The following TRIM37 variants were observed in gnomAD, a reference collection of about 807,000 sequenced individuals.
TRIM37 encodes the protein E3 ubiquitin-protein ligase TRIM37.
A neutral mutation model predicts 129.8 loss-of-function variants in TRIM37; 80 were observed. The observed-to-expected ratio is 0.62, with a 90% CI of 0.51 to 0.74. TRIM37 has a LOEUF of 0.74. Ranked by LOEUF, TRIM37 falls within the 30% of genes least tolerant of loss-of-function variation. The pLI is 0.00. For synonymous variants in TRIM37, 389 were observed against 387.1 expected (o/e 1.00, Z -0.06); for missense variants, 1,054 against 1,176.5 (o/e 0.90, Z 1.52).
chr17:59,080,197 G>A (rs1361974310), intron 6 of TRIM37, among the ~76,000 whole-genome samples: 2 of 152,138 alleles, frequency 1.3e-5, no homozygotes, highest in Non-Finnish European at 2.9e-5. Context: ...CCTCATTTAT[G>A]ACTGTCATTC....
chr17:59,019,753 A>G (rs2036367233), intron 19 of TRIM37, among the ~76,000 whole-genome samples: 2 of 152,022 alleles, frequency 1.3e-5, no homozygotes, highest in Non-Finnish European at 2.9e-5. Context: ...GGGAAAAAGT[A>G]GATTAGTGGT....
intron 9 of TRIM37, 146 bp downstream of exon 9, chr17:59,070,677 G>A: frequency 5.6e-6 from 5 of 896,106 alleles, no homozygotes; most frequent in South Asian, 5.1e-5. Flanking sequence ...AGGAGTTTGA[G>A]ACCAGCCTGG....
chr17:58,980,876 T>C, downstream of TRIM37: 1 of 1,614,240 alleles, frequency 6.2e-7, no homozygotes. The surrounding 1 kb of genome is among the most constrained non-coding windows in gnomAD (Gnocchi z 4.7). Context: ...CACTAGCCTG[T>C]CCTCACTTAC....
chr17:59,029,446 T>G (rs1300250829), intron 18 of TRIM37, among the ~76,000 whole-genome samples: 1 of 152,232 alleles, frequency 6.6e-6, no homozygotes, highest in Non-Finnish European at 1.5e-5. Flanking sequence ...AACATGACTC[T>G]AGTTCTACTT....
At chr17:59,045,877 G>A (rs183384060) in intron 16 of TRIM37, among the ~76,000 whole-genome samples, 8 of 151,888 alleles carry the variant, frequency 5.3e-5, no homozygotes, top group East Asian at 1.9e-4. Flanking sequence ...ATAGCCAGGC[G>A]TGGTGGTGCA....
At chr17:59,038,479 C>T (rs2038798406) in intron 17 of TRIM37, among the ~76,000 whole-genome samples, 2 of 152,030 alleles carry the variant, frequency 1.3e-5, no homozygotes, top group South Asian at 4.1e-4. Flanking sequence ...TGGATTATTA[C>T]AGAATATTCA....
intron 12 of TRIM37, chr17:59,059,137 T>G (rs2041240443): frequency 6.6e-6 from 1 of 152,088 alleles, no homozygotes; most frequent in Admixed American, 6.5e-5. Flanking sequence ...TTTGGGAGGC[T>G]GAGGTGGGCG....
the TRIM37 span, among the ~76,000 whole-genome samples, chr17:58,974,233 AT>A: frequency 6.6e-6 from 1 of 152,168 alleles, no homozygotes; most frequent in Non-Finnish European, 1.5e-5. Flanking sequence ...ATCCACATTC[AT>A]TTTGTTTATG....
chr17:58,990,257 G>A (rs770670024), intron 24 of TRIM37, among the ~76,000 whole-genome samples: 10 of 149,528 alleles, frequency 6.7e-5, no homozygotes, highest in African/African-American at 1.2e-4. Context: ...TTAGGAGGCC[G>A]AGGCAAGCAG....
At chr17:58,985,876 AAAG>A (rs2031759547) in intron 24 of TRIM37, among the ~76,000 whole-genome samples, 1 of 152,150 alleles carries the variant, frequency 6.6e-6, no homozygotes, top group Non-Finnish European at 1.5e-5. Flanking sequence ...TTGAGAAAAA[AAAG>A]GTGAAGTTTT....
At chr17:58,970,519 CT>C in the TRIM37 span, among the ~76,000 whole-genome samples, 24 of 152,102 alleles carry the variant, frequency 1.6e-4, no homozygotes, top group Non-Finnish European at 3.2e-4. Flanking sequence ...AACATTAACT[CT>C]TTTTAAAATG....
chr17:58,994,277 G>A (rs1243857711), downstream of TRIM37, among the ~76,000 whole-genome samples: 1 of 152,138 alleles, frequency 6.6e-6, no homozygotes, highest in Non-Finnish European at 1.5e-5. Flanking sequence ...TAACTATACA[G>A]TCAGCCCTCT....
At chr17:59,062,718 A>G in intron 10 of TRIM37, 70 bp from the exon 11 acceptor site, 1 of 1,256,552 alleles carries the variant, frequency 8.0e-7, no homozygotes, top group Non-Finnish European at 1.2e-6. Flanking sequence ...GCAAAAAGAA[A>G]GACCAACCAG....
chr17:59,045,696 T>C (rs2039720206), intron 16 of TRIM37, among the ~76,000 whole-genome samples: 1 of 150,788 alleles, frequency 6.6e-6, no homozygotes, highest in African/African-American at 2.4e-5. Flanking sequence ...GTGGGATGTG[T>C]CCCAGGAATG....
chr17:59,093,046 A>C (rs1425252760), intron 2 of TRIM37, among the ~76,000 whole-genome samples: 1 of 152,164 alleles, frequency 6.6e-6, no homozygotes, highest in Non-Finnish European at 1.5e-5. Flanking sequence ...GCTACTCAGG[A>C]GGCTGAGGCA....
chr17:59,056,496 G>A (rs1033988693), intron 13 of TRIM37, among the ~76,000 whole-genome samples: 20 of 151,866 alleles, frequency 1.3e-4, no homozygotes, highest in African/African-American at 4.8e-4. Flanking sequence ...TTGGGAGGCC[G>A]AGGCGGGCGG....
At position 58,998,395 on chromosome 17, in the gene TRIM37, T is replaced by C. The variant is rs1250247283; in HGVS notation, c.*982A>G. 2 of 985,182 alleles carry C rather than the reference T, an allele frequency of 2.0e-6. No homozygotes were observed. The highest frequency in any genetic ancestry group is 3.5e-5 in the African/African-American group (2 of 57,122). The allele number at this position is 985,182 out of a possible 1,614,324, so 61.0% of individuals were successfully genotyped here. ...TTTTCAATAGTCTCTTAGTCAACTT[T>C]CAGTGTAATTTCCACAAATATATAG... On this transcript the variant is annotated 3_prime_UTR_variant, in exon 24 of 24. Coordinates refer to ENST00000262294, the MANE Select transcript of TRIM37 (RefSeq NM_015294.6).
Position 59,075,628 on chromosome 17 carries a change from A to T in TRIM37, c.684+19T>A. On this transcript the variant is annotated intron_variant, in intron 8 of 23. Coordinates refer to ENST00000262294, the MANE Select transcript of TRIM37 (RefSeq NM_015294.6). Reference sequence around the variant, plus strand: ...AAAAAAGGATAAAGACTATTTCATTACATTTAATATTTCATCACCTGGTGC... The same window carrying T: ...AAAAAAGGATAAAGACTATTTCATTTCATTTAATATTTCATCACCTGGTGC... 6.4e-7 allele frequency: 1 copy of T among 1,551,696 alleles called. No individual in the cohort carries two copies. The highest frequency in any genetic ancestry group is 8.9e-7 in the Non-Finnish European group (1 of 1,125,770).
chr17:59,055,824 A>T (rs1014612699), intron 13 of TRIM37, among the ~76,000 whole-genome samples: 1 of 152,144 alleles, frequency 6.6e-6, no homozygotes, highest in African/African-American at 2.4e-5. Context: ...ACTATTGGGT[A>T]CTAGGCTTAG....
Sources: allele counts gnomAD v4.1 joint callset (sites outside exome capture counted in the v4.1 genomes callset), GRCh38; gene constraint gnomAD v4.1.1; non-coding constraint Gnocchi (gnomAD v3.1); transcripts MANE v1.5; gene names NCBI Gene and HGNC (gene_info 2026-07-23, HGNC 2026-07-21).